Variants in SAMD5 observed in about 807,000 individuals in gnomAD.
The protein encoded by SAMD5 is sterile alpha motif domain-containing protein 5.
Under a neutral mutation model 11.3 loss-of-function variants are expected in SAMD5, and 13 were observed. The observed-to-expected ratio is 1.15, with a 90% CI of 0.75 to 1.83. SAMD5 has a LOEUF of 1.83. SAMD5 is among the 40% of genes most tolerant of loss of function. The pLI, the probability that SAMD5 is intolerant of heterozygous loss-of-function variation, is 0.00. For synonymous variants in SAMD5, 129 were observed against 111.3 expected (o/e 1.16, Z -1.00); for missense variants, 255 against 239.1 (o/e 1.07, Z -0.44).
intron 1 of SAMD5, among the ~76,000 whole-genome samples, chr6:147,545,738 G>T (rs986400975): frequency 6.6e-6 from 1 of 151,994 alleles, no homozygotes; most frequent in African/African-American, 2.4e-5. Flanking sequence ...ATGTGTGTGT[G>T]TATATATAAA....
chr6:147,953,645 T>G, the SAMD5 span: 1 of 152,260 alleles, frequency 6.6e-6, no homozygotes, highest in Non-Finnish European at 1.5e-5. Flanking sequence ...GTTATGCTTA[T>G]GCCCAACATC....
At chr6:147,855,245 C>T in the SAMD5 span, among the ~76,000 whole-genome samples, 225 of 152,116 alleles carry the variant, frequency 1.5e-3, 5 homozygotes, top group South Asian at 2.1e-4. Context: ...TAAATGAAGA[C>T]GCTGATACAA....
At chr6:147,782,898 G>A in the SAMD5 span, among the ~76,000 whole-genome samples, 59 of 152,224 alleles carry the variant, frequency 3.9e-4, 1 homozygote, top group African/African-American at 1.1e-3. Context: ...GTAATCCAGG[G>A]TCTGTTGGAA....
intron 1 of SAMD5, among the ~76,000 whole-genome samples, chr6:147,610,226 A>G (rs1789762398): frequency 6.6e-6 from 1 of 152,218 alleles, no homozygotes; most frequent in Non-Finnish European, 1.5e-5. Context: ...AGCAAAAGGA[A>G]GGAAATGGAT....
the SAMD5 span, among the ~76,000 whole-genome samples, chr6:147,926,705 TTTG>T: frequency 6.6e-6 from 1 of 152,154 alleles, no homozygotes; most frequent in Non-Finnish European, 1.5e-5. Context: ...AATGTTTGCT[TTTG>T]TTGCAATTGC....
rs1789111733 is a variant in SAMD5 at position 147,569,982 on chromosome 6, A to G, written c.*5526A>G. 1.7e-5 allele frequency: 17 copies of G among 985,272 alleles called. No homozygotes were observed. The highest frequency in any genetic ancestry group is 2.0e-5 in the Non-Finnish European group (17 of 829,910). 61.0% of individuals were successfully genotyped at this position (985,272 alleles called of 1,614,324 possible). A position where few individuals can be genotyped will look rare whatever the true frequency, so the allele number is the denominator to read the frequency against. ...CCCATGCACACTGTGATTTGCAAAC[A>G]TATGTCCGCTCTTCAATAAATGTTA... On this transcript the variant is annotated 3_prime_UTR_variant, in exon 2 of 2. Coordinates refer to ENST00000367474, the MANE Select transcript of SAMD5 (RefSeq NM_001030060.3).
the SAMD5 span, among the ~76,000 whole-genome samples, chr6:147,754,347 CTTT>C: frequency 2.3e-5 from 3 of 130,684 alleles, no homozygotes; most frequent in Non-Finnish European, 3.2e-5. Flanking sequence ...ATTTGTATGT[CTTT>C]TTTTTTTTTT....
chr6:147,829,084 GA>G, the SAMD5 span, among the ~76,000 whole-genome samples: 2 of 152,192 alleles, frequency 1.3e-5, no homozygotes, highest in Non-Finnish European at 2.9e-5. Context: ...TATTGCAAGG[GA>G]ACCAACTTAC....
chr6:147,878,599 ATATATCTATATAGATATATATG>A, the SAMD5 span, among the ~76,000 whole-genome samples: 2 of 145,100 alleles, frequency 1.4e-5, no homozygotes, highest in Middle Eastern at 7.1e-3. Flanking sequence ...ATATATACAT[ATATATCTATATAGATATATATG>A]TATATATATC....
At chr6:147,624,116 C>T (rs1048225884) in intron 1 of SAMD5, among the ~76,000 whole-genome samples, 12 of 152,136 alleles carry the variant, frequency 7.9e-5, no homozygotes, top group South Asian at 2.1e-4. Flanking sequence ...GTGATCCACC[C>T]GCCTCAGCCT....
chr6:147,824,981 T>C, the SAMD5 span, among the ~76,000 whole-genome samples: 1 of 152,102 alleles, frequency 6.6e-6, no homozygotes, highest in Non-Finnish European at 1.5e-5. Context: ...TGGCAACGAA[T>C]AAGAAAGTTC....
chr6:147,870,599 T>C, the SAMD5 span, among the ~76,000 whole-genome samples: 1 of 151,646 alleles, frequency 6.6e-6, no homozygotes, highest in African/African-American at 2.4e-5. Context: ...TCATGTCAAT[T>C]TCCTGACACA....
intron 1 of SAMD5, among the ~76,000 whole-genome samples, chr6:147,702,229 C>A (rs748367471): frequency 1.3e-5 from 2 of 152,060 alleles, no homozygotes; most frequent in African/African-American, 2.4e-5. Context: ...GGGAAAGACC[C>A]GCCCCCATGA....
At chr6:147,925,630 A>G in the SAMD5 span, among the ~76,000 whole-genome samples, 1 of 151,960 alleles carries the variant, frequency 6.6e-6, no homozygotes, top group Non-Finnish European at 1.5e-5. Flanking sequence ...AAGATGTTCA[A>G]AGAATGTATA....
intron 1 of SAMD5, among the ~76,000 whole-genome samples, chr6:147,668,196 A>T (rs926096536): frequency 3.3e-5 from 5 of 152,324 alleles, no homozygotes; most frequent in African/African-American, 1.2e-4. Context: ...ATATTTTTGC[A>T]AACCTTCTCC....
At chr6:147,594,888 T>C (rs750430744) in intron 1 of SAMD5, among the ~76,000 whole-genome samples, 105 of 152,234 alleles carry the variant, frequency 6.9e-4, no homozygotes, top group Non-Finnish European at 1.2e-3. Context: ...TAACTATTTG[T>C]ATATTCTTTC....
At chr6:147,576,736 T>C (rs1228616672) in intron 1 of SAMD5, among the ~76,000 whole-genome samples, 1 of 152,224 alleles carries the variant, frequency 6.6e-6, no homozygotes, top group Non-Finnish European at 1.5e-5. Flanking sequence ...CCTTAGAAAA[T>C]TAACTTCTGT....
At chr6:147,562,800 A>G (rs866104359) in intron 1 of SAMD5, among the ~76,000 whole-genome samples, 1 of 151,720 alleles carries the variant, frequency 6.6e-6, no homozygotes, top group South Asian at 2.1e-4. Context: ...CCAGCCTGGG[A>G]GACAGAGCGA....
chr6:147,897,943 T>TAAAAA, the SAMD5 span, among the ~76,000 whole-genome samples: 157 of 89,596 alleles, frequency 1.8e-3, 5 homozygotes, highest in African/African-American at 2.6e-3. Flanking sequence ...AGATTTTTCT[T>TAAAAA]AAAAAAAAAA....
Sources: gnomAD v4.1 joint callset for allele counts (sites outside exome capture counted in the v4.1 genomes callset) on GRCh38, gnomAD v4.1.1 for gene constraint, MANE v1.5 for transcripts, NCBI Gene and HGNC (gene_info 2026-07-23, HGNC 2026-07-21) for gene names.